Variants in MBD5 observed in about 807,000 individuals in gnomAD.
MBD5 encodes methyl-CpG binding domain protein 5, also known as methyl-CpG-binding domain protein 5.
Under a neutral mutation model 117.3 loss-of-function variants are expected in MBD5, and 13 were observed. The observed-to-expected ratio is 0.11, with a 90% CI of 0.07 to 0.18. The LOEUF (loss-of-function observed/expected upper bound fraction) is 0.18. MBD5 is among the 10% of genes least tolerant of loss of function. The probability of loss-of-function intolerance (pLI) is 1.00; values close to 1 mark genes in which losing one functional copy is unlikely to be tolerated. For synonymous variants in MBD5, 727 were observed against 766.4 expected (o/e 0.95, Z 0.85); for missense variants, 1,879 against 2,093.8 (o/e 0.90, Z 2.00).
chr2:148,252,581 G>T (rs1185546256), intron 3 of MBD5, among the ~76,000 whole-genome samples: 1 of 151,952 alleles, frequency 6.6e-6, no homozygotes, highest in Non-Finnish European at 1.5e-5. Context: ...TCTTTAAGTG[G>T]ATCTGTCTCC....
intron 1 of MBD5, among the ~76,000 whole-genome samples, chr2:148,073,247 C>T (rs1021093179): frequency 2.0e-5 from 3 of 152,044 alleles, no homozygotes; most frequent in African/African-American, 7.2e-5. Flanking sequence ...TCACCATTGT[C>T]TTAATTCTAG....
At chr2:148,432,125 T>C (rs1312457472) in intron 4 of MBD5, among the ~76,000 whole-genome samples, 1 of 152,164 alleles carries the variant, frequency 6.6e-6, no homozygotes, top group East Asian at 1.9e-4. Context: ...TGATGATTAG[T>C]GATGTTAAGC....
At chr2:148,273,650 C>A (rs1192184602) in intron 3 of MBD5, among the ~76,000 whole-genome samples, 1 of 152,146 alleles carries the variant, frequency 6.6e-6, no homozygotes, top group Non-Finnish European at 1.5e-5. Flanking sequence ...CATTCTCTAG[C>A]CTTCTACCCA....
chr2:148,329,412 T>G (rs1253594857), intron 3 of MBD5, among the ~76,000 whole-genome samples: 3 of 152,222 alleles, frequency 2.0e-5, no homozygotes, highest in Non-Finnish European at 4.4e-5. Context: ...TCAAAGTATT[T>G]TATAAGTTTA....
At chr2:148,022,390 G>C (rs1326037940) in intron 1 of MBD5, among the ~76,000 whole-genome samples, 1 of 152,072 alleles carries the variant, frequency 6.6e-6, no homozygotes, top group African/African-American at 2.4e-5. Flanking sequence ...AAAGTCCAAA[G>C]CTCTAAAATG....
rs1163569997 is a variant in MBD5 at position 148,202,149 on chromosome 2, C to A, written c.-831+23356C>A. Among the ~76,000 whole-genome samples, 4 of 152,220 alleles carry A rather than the reference C, an allele frequency of 2.6e-5. No homozygotes were observed. In the East Asian group the frequency reaches 7.7e-4, roughly 29 times the overall value. On this transcript the variant is annotated intron_variant, in intron 2 of 13. Coordinates refer to ENST00000642680, the MANE Select transcript of MBD5 (RefSeq NM_001378120.1). ...GTGAAGGAGATGGAGTCCTTGCCTG[C>A]ATGGAGCTTACTACCTTATTAGGGA...
chr2:148,411,759 A>T (rs902765408), intron 4 of MBD5, among the ~76,000 whole-genome samples: 1 of 151,860 alleles, frequency 6.6e-6, no homozygotes, highest in Non-Finnish European at 1.5e-5. Context: ...TTTTCAGATG[A>T]ATAGTTTGCA....
intron 4 of MBD5, among the ~76,000 whole-genome samples, chr2:148,361,695 T>C (rs1017269991): frequency 6.6e-6 from 1 of 152,136 alleles, no homozygotes; most frequent in Non-Finnish European, 1.5e-5. Context: ...AATCACTAGA[T>C]GTTAATAAGA....
At chr2:148,292,247 G>A (rs1433129681) in intron 3 of MBD5, among the ~76,000 whole-genome samples, 3 of 152,158 alleles carry the variant, frequency 2.0e-5, no homozygotes, top group Admixed American at 6.6e-5. Flanking sequence ...CCTCTGCACA[G>A]CAAAGGAAAC....
chr2:148,325,770 T>G (rs966176498), intron 3 of MBD5, among the ~76,000 whole-genome samples: 1 of 152,162 alleles, frequency 6.6e-6, no homozygotes, highest in African/African-American at 2.4e-5. Context: ...ATTTTGTTGA[T>G]CCTTTAAAAA....
intron 3 of MBD5, among the ~76,000 whole-genome samples, chr2:148,311,788 G>A (rs764995086): frequency 2.0e-5 from 3 of 152,128 alleles, no homozygotes; most frequent in Admixed American, 6.5e-5. Context: ...GGCTGATACC[G>A]GTTTTTCCTT....
chr2:148,428,817 T>G (rs888960507), intron 4 of MBD5, among the ~76,000 whole-genome samples: 4 of 152,174 alleles, frequency 2.6e-5, no homozygotes, highest in African/African-American at 9.7e-5. Context: ...ACTGGACCCC[T>G]TCCTTATACC....
At chr2:148,068,873 T>C (rs1368409805) in intron 1 of MBD5, among the ~76,000 whole-genome samples, 1 of 152,180 alleles carries the variant, frequency 6.6e-6, no homozygotes, top group Non-Finnish European at 1.5e-5. Context: ...GATTGGACCT[T>C]TAAGGTCATT....
At chr2:148,162,733 CAAAA>C (rs1041618059) in intron 1 of MBD5, among the ~76,000 whole-genome samples, 1 of 151,518 alleles carries the variant, frequency 6.6e-6, no homozygotes, top group Admixed American at 6.6e-5. Context: ...TTCTAACAAA[CAAAA>C]AAGAATATAA....
At chr2:148,231,162 A>C (rs1699975249) in intron 2 of MBD5, among the ~76,000 whole-genome samples, 2 of 148,962 alleles carry the variant, frequency 1.3e-5, no homozygotes, top group South Asian at 2.1e-4. Context: ...CTGCCTTTCC[A>C]GTTTATTTTG....
chr2:148,466,304 A>G (rs1404508643), intron 7 of MBD5, among the ~76,000 whole-genome samples: 1 of 152,148 alleles, frequency 6.6e-6, no homozygotes, highest in Non-Finnish European at 1.5e-5. Flanking sequence ...TGCCAACTCT[A>G]TAACAAAACA....
At chr2:148,053,645 G>T (rs1162397789) in intron 1 of MBD5, among the ~76,000 whole-genome samples, 2 of 151,912 alleles carry the variant, frequency 1.3e-5, no homozygotes, top group Non-Finnish European at 2.9e-5. Context: ...TACACCATAT[G>T]CATTCTCTGG....
At chr2:148,479,421 A>C (rs1250625603) in intron 8 of MBD5, among the ~76,000 whole-genome samples, 2 of 152,168 alleles carry the variant, frequency 1.3e-5, no homozygotes, top group African/African-American at 4.8e-5. Flanking sequence ...GTTGAGTGCA[A>C]GTTTTATGAT....
At chr2:148,255,114 T>C (rs1323950399) in intron 3 of MBD5, among the ~76,000 whole-genome samples, 1 of 152,186 alleles carries the variant, frequency 6.6e-6, no homozygotes, top group Non-Finnish European at 1.5e-5. Context: ...CACAATGCAG[T>C]TGGAGCATGT....
Sources: allele counts gnomAD v4.1 joint callset (sites outside exome capture counted in the v4.1 genomes callset), GRCh38; gene constraint gnomAD v4.1.1; transcripts MANE v1.5; gene names NCBI Gene and HGNC (gene_info 2026-07-23, HGNC 2026-07-21).